The following LRRTM4 variants were observed in gnomAD, a reference collection of about 807,000 sequenced individuals.
The protein encoded by LRRTM4 is leucine rich repeat transmembrane neuronal 4.
LRRTM4 carries 25 observed loss-of-function variants against 47.6 expected under a neutral mutation model. The ratio of observed to expected loss-of-function variants is 0.53; its 90% CI spans 0.38 to 0.73. The LOEUF is 0.73. Ranked by LOEUF, LRRTM4 falls within the 30% of genes least tolerant of loss-of-function variation. The pLI, the probability that LRRTM4 is intolerant of heterozygous loss-of-function variation, is 0.00. For synonymous variants in LRRTM4, 311 were observed against 269.5 expected, an observed-to-expected ratio of 1.15 and a Z score of -1.51; for missense variants, 638 against 713.4, an observed-to-expected ratio of 0.89 and a Z score of 1.20.
intron 3 of LRRTM4, among the ~76,000 whole-genome samples, chr2:76,771,538 A>T (rs1673706142): frequency 6.6e-6 from 1 of 151,676 alleles, no homozygotes; most frequent in African/African-American, 2.4e-5. Context: ...TGCCTGGAGG[A>T]GCTGAGGCTG....
chr2:77,217,558 G>A lies in LRRTM4; in HGVS notation c.1551+300760C>T, dbSNP rs191389081. 4.7e-5 allele frequency among the ~76,000 whole-genome samples: 7 copies of A among 148,786 alleles called. No individual in the cohort carries two copies. The East Asian group carries it at 1.4e-3, about 30-fold the overall frequency. ...CAGATTACTCCTCACTTAAGCTATA[G>A]CTAGAAGTGTCAATGCAAACATGGC... On this transcript the variant is annotated intron_variant, in intron 3 of 3. Transcript: ENST00000409884.
chr2:77,449,376 T>C (rs1429883642), intron 3 of LRRTM4, among the ~76,000 whole-genome samples: 1 of 152,184 alleles, frequency 6.6e-6, no homozygotes, highest in Non-Finnish European at 1.5e-5. Context: ...AATAAAATGA[T>C]ACGAGAATTG....
Position 76,784,111 on chromosome 2 carries a change from A to T in LRRTM4, c.1552-35195T>A, listed in dbSNP as rs535940584. Reference sequence around the variant, plus strand: ...CTAAAACAATCCCCAAATTCATGATATATTAATATTTATCTGTTTTAATGT... The same window carrying T: ...CTAAAACAATCCCCAAATTCATGATTTATTAATATTTATCTGTTTTAATGT... On this transcript the variant is annotated intron_variant, in intron 3 of 3. Coordinates refer to ENST00000409884, the MANE Select transcript of LRRTM4 (RefSeq NM_001134745.3). Among the ~76,000 whole-genome samples the T allele has an allele frequency of 8.5e-5, 13 of 152,220 alleles. No individual in the cohort carries two copies. In the East Asian group the frequency reaches 2.5e-3, roughly 29 times the overall value.
chr2:77,348,452 A>G (rs114707253), intron 3 of LRRTM4, among the ~76,000 whole-genome samples: 2,988 of 150,890 alleles, frequency 0.02, 108 homozygotes, highest in African/African-American at 0.068. Context: ...CACATTTAAT[A>G]TTATAAAATA....
At position 76,748,799 on chromosome 2, in the gene LRRTM4, G is replaced by A; in HGVS notation, c.1669C>T (p.Gln557Ter). ...TKGYETVSPEQDESPGLELGR... is the reference protein window; with the variant it reads ...TKGYETVSPE Reference sequence around the variant, plus strand: ...AGCTCCAGGCCGGGGCTTTCGTCCTGCTCTGGAGACACTGTCTCATAGCCC... The same window carrying A: ...AGCTCCAGGCCGGGGCTTTCGTCCTACTCTGGAGACACTGTCTCATAGCCC... Residue 557 changes from glutamine to a stop codon, truncating the protein, a stop_gained, in exon 4 of 4, where the codon CAG (glutamine) becomes TAG (stop). Coordinates refer to ENST00000409884, the MANE Select transcript of LRRTM4 (RefSeq NM_001134745.3). LOFTEE classifies it high-confidence loss of function. The A allele has an allele frequency of 6.2e-7, 1 of 1,614,044 alleles. No homozygotes were observed. Among genetic ancestry groups the A allele is most frequent in the Middle Eastern group, 1.6e-4 (1 of 6,062 alleles).
chr2:76,902,095 T>G (rs59489778), intron 3 of LRRTM4, among the ~76,000 whole-genome samples: 57,696 of 151,972 alleles, frequency 0.38, 12,053 homozygotes, highest in East Asian at 0.72. Context: ...GAGAAAAGTT[T>G]TTAAAATGTG....
intron 3 of LRRTM4, among the ~76,000 whole-genome samples, chr2:76,851,522 G>A (rs912530644): frequency 6.6e-6 from 1 of 151,974 alleles, no homozygotes; most frequent in African/African-American, 2.4e-5. Context: ...GCTGACAGAT[G>A]CCCACCTAGA....
chr2:76,847,182 A>T (rs537995881), intron 3 of LRRTM4, among the ~76,000 whole-genome samples: 3 of 152,104 alleles, frequency 2.0e-5, no homozygotes, highest in African/African-American at 7.2e-5. Flanking sequence ...TTGTGAAATT[A>T]TATCTTTTGG....
intron 3 of LRRTM4, among the ~76,000 whole-genome samples, chr2:77,407,621 A>T (rs1176111742): frequency 9.4e-5 from 13 of 137,884 alleles, no homozygotes; most frequent in Non-Finnish European, 1.5e-4. Flanking sequence ...ATATAATATA[A>T]TATATGATAT....
intron 3 of LRRTM4, among the ~76,000 whole-genome samples, chr2:76,958,744 G>A (rs1403808891): frequency 2.2e-4 from 34 of 151,806 alleles, no homozygotes; most frequent in Non-Finnish European, 4.4e-5. Flanking sequence ...CTGATACATA[G>A]AGTACCATTT....
At chr2:77,476,829 A>AG (rs1259082756) in intron 3 of LRRTM4, among the ~76,000 whole-genome samples, 7 of 152,054 alleles carry the variant, frequency 4.6e-5, no homozygotes, top group Non-Finnish European at 1.0e-4. Flanking sequence ...AAATGGTGGT[A>AG]TTTTTTTAAG....
At chr2:76,873,506 G>GTATATATATATATATATATATATATA (rs58469429) in intron 3 of LRRTM4, among the ~76,000 whole-genome samples, 13 of 112,312 alleles carry the variant, frequency 1.2e-4, no homozygotes, top group African/African-American at 4.2e-4. Flanking sequence ...ATATATGTGT[G>GTATATATATATATATATATATATATA]TATATATATA....
intron 3 of LRRTM4, among the ~76,000 whole-genome samples, chr2:77,220,985 C>G (rs1674609662): frequency 6.6e-6 from 1 of 152,168 alleles, no homozygotes; most frequent in Non-Finnish European, 1.5e-5. Context: ...AAGGGAAGCC[C>G]ATCAGACTAA....
intron 3 of LRRTM4, among the ~76,000 whole-genome samples, chr2:76,896,491 T>C (rs1468923531): frequency 6.6e-6 from 1 of 152,006 alleles, no homozygotes; most frequent in Non-Finnish European, 1.5e-5. Flanking sequence ...AAACAATACA[T>C]GTGGCTTATG....
At chr2:77,259,207 T>C (rs1190323262) in intron 3 of LRRTM4, among the ~76,000 whole-genome samples, 1 of 152,034 alleles carries the variant, frequency 6.6e-6, no homozygotes, top group African/African-American at 2.4e-5. Context: ...TAAACTTAGA[T>C]GTGAATTCTG....
At chr2:77,168,296 T>C (rs547778815) in intron 3 of LRRTM4, among the ~76,000 whole-genome samples, 1 of 152,182 alleles carries the variant, frequency 6.6e-6, no homozygotes, top group East Asian at 1.9e-4. Context: ...TTTTAGAAAA[T>C]ATTTTTACCT....
chr2:76,770,463 G>GTGTCT (rs1209573388), intron 3 of LRRTM4, among the ~76,000 whole-genome samples: 1 of 152,160 alleles, frequency 6.6e-6, no homozygotes, highest in Admixed American at 6.5e-5. Context: ...GGTAAGGTTT[G>GTGTCT]TGTCTTGTAC....
chr2:76,980,185 A>G (rs1353716778), intron 3 of LRRTM4, among the ~76,000 whole-genome samples: 4 of 152,068 alleles, frequency 2.6e-5, no homozygotes, highest in African/African-American at 9.7e-5. Flanking sequence ...AAGACAGAAA[A>G]ATGTAATAGA....
chr2:76,892,244 C>T (rs947922312), intron 3 of LRRTM4, among the ~76,000 whole-genome samples: 4 of 151,644 alleles, frequency 2.6e-5, no homozygotes, highest in African/African-American at 9.6e-5. Context: ...TTACAACTCA[C>T]ATGTCTCGTT....
Sources: gnomAD v4.1 joint callset for allele counts (sites outside exome capture counted in the v4.1 genomes callset) on GRCh38, gnomAD v4.1.1 for gene constraint, MANE v1.5 for transcripts, NCBI Gene and HGNC (gene_info 2026-07-23, HGNC 2026-07-21) for gene names.